EYA4: variants seen among roughly 807,000 people sequenced by gnomAD.
EYA4 encodes the protein protein phosphatase EYA4.
A neutral mutation model predicts 87.9 loss-of-function variants in EYA4; 31 were observed. The ratio of observed to expected loss-of-function variants is 0.35; its 90% CI spans 0.27 to 0.48. EYA4 has a LOEUF of 0.48. Among genes scored for constraint, EYA4 ranks in the 20% least tolerant of loss-of-function variants. The pLI is 0.99. For missense variants in EYA4, 678 were observed against 761.4 expected (o/e 0.89, Z 1.29); for synonymous variants, 263 against 270.6 (o/e 0.97, Z 0.28).
At chr6:133,330,266 A>G (rs1781820792) in intron 2 of EYA4, among the ~76,000 whole-genome samples, 2 of 152,152 alleles carry the variant, frequency 1.3e-5, no homozygotes, top group South Asian at 2.1e-4. Context: ...TTTCTAAGAT[A>G]TGTTCCACCT....
chr6:133,526,158 A>T lies in EYA4; in HGVS notation c.1839+904A>T, dbSNP rs188913686. Reference sequence around the variant, plus strand: ...ACCAGACTGTCAACTCCACCCTAAGATCTACTGCTGCCTTCACCGAATGAT... The same window carrying T: ...ACCAGACTGTCAACTCCACCCTAAGTTCTACTGCTGCCTTCACCGAATGAT... On this transcript the variant is annotated intron_variant, in intron 19 of 19. Transcript: ENST00000355286. 3.9e-5 allele frequency among the ~76,000 whole-genome samples: 6 copies of T among 152,306 alleles called. No individual in the cohort carries two copies. In the East Asian group the frequency reaches 7.7e-4, roughly 20 times the overall value.
chr6:133,269,146 C>G (rs769803389), intron 1 of EYA4, among the ~76,000 whole-genome samples: 8 of 152,158 alleles, frequency 5.3e-5, no homozygotes, highest in South Asian at 4.1e-4. Flanking sequence ...GTAGTCCCAG[C>G]TACTTGGGAG....
chr6:133,423,598 T>A (rs951815735), intron 3 of EYA4, among the ~76,000 whole-genome samples: 1 of 152,236 alleles, frequency 6.6e-6, no homozygotes, highest in Non-Finnish European at 1.5e-5. Flanking sequence ...TTATAATTTT[T>A]AAAATAAATT....
At chr6:133,369,067 C>T (rs1392722743) in intron 2 of EYA4, among the ~76,000 whole-genome samples, 1 of 152,068 alleles carries the variant, frequency 6.6e-6, no homozygotes, top group African/African-American at 2.4e-5. Context: ...AAATTAGAGA[C>T]AGGAAATGCT....
chr6:133,527,496 T>C (rs1800730963), intron 19 of EYA4, among the ~76,000 whole-genome samples: 2 of 152,230 alleles, frequency 1.3e-5, no homozygotes, highest in Admixed American at 1.3e-4. Context: ...ACAGGTAGAA[T>C]TAATTTTAAT....
intron 2 of EYA4, among the ~76,000 whole-genome samples, chr6:133,298,850 A>C (rs1779143668): frequency 6.6e-6 from 1 of 152,220 alleles, no homozygotes; most frequent in Non-Finnish European, 1.5e-5. Flanking sequence ...ATCCTGATAA[A>C]TGTGAACACC....
intron 5 of EYA4, among the ~76,000 whole-genome samples, chr6:133,448,531 A>C (rs1301799896): frequency 3.3e-5 from 5 of 152,332 alleles, no homozygotes; most frequent in African/African-American, 1.2e-4. Context: ...ATGGCCACGC[A>C]TGCAAACTTA....
chr6:133,455,119 T>C (rs1390290791), intron 5 of EYA4, among the ~76,000 whole-genome samples: 1 of 152,184 alleles, frequency 6.6e-6, no homozygotes, highest in Non-Finnish European at 1.5e-5. Context: ...CAATAAGTAT[T>C]AGTTTTATAG....
rs199835867 is a variant in EYA4 at position 133,299,953 on chromosome 6, ATC to A, written c.33+25142_33+25143del. Reference sequence around the variant, plus strand: ...TATCTATCTATCTATCTATCTATCTATCTATATATATATATATCTTTTGACTA... The same window carrying A: ...TATCTATCTATCTATCTATCTATCTATATATATATATATATCTTTTGACTA... On this transcript the variant is annotated intron_variant, in intron 2 of 19. Transcript: ENST00000355286. Among the ~76,000 whole-genome samples the A allele has an allele frequency of 6.6e-3, 712 of 108,202 alleles. 4 individuals carry two copies. Among genetic ancestry groups the A allele is most frequent in the African/African-American group, 0.02 (618 of 30,954 alleles). 71.0% of individuals were successfully genotyped at this position (108,202 alleles called of 152,430 possible). A position where few individuals can be genotyped will look rare whatever the true frequency, so the allele number is the denominator to read the frequency against.
intron 1 of EYA4, among the ~76,000 whole-genome samples, chr6:133,246,574 C>A (rs1774425779): frequency 2.0e-5 from 3 of 151,818 alleles, no homozygotes; most frequent in Admixed American, 1.3e-4. Context: ...TTTTGTATCA[C>A]CAAGGCATAT....
chr6:133,334,212 T>C (rs1782194942), intron 2 of EYA4, among the ~76,000 whole-genome samples: 1 of 152,218 alleles, frequency 6.6e-6, no homozygotes, highest in African/African-American at 2.4e-5. Flanking sequence ...ATGCATATGC[T>C]AAAAGAAAAA....
At chr6:133,307,313 G>A (rs983637674) in intron 2 of EYA4, among the ~76,000 whole-genome samples, 1 of 152,148 alleles carries the variant, frequency 6.6e-6, no homozygotes, top group Admixed American at 6.5e-5. Context: ...ATTGCATTTA[G>A]ATTTCCTTTT....
Position 133,456,634 on chromosome 6 carries a change from C to A in EYA4, c.356C>A (p.Thr119Asn). 6.2e-7 allele frequency: 1 copy of A among 1,612,086 alleles called. No individual in the cohort carries two copies. The highest frequency in any genetic ancestry group is 1.1e-5 in the South Asian group (1 of 91,052). ...TATTGDGALD[T>N]FTGSVITSSG... ...ACGACTGGAGATGGAGCGCTTGACA[C>A]TTTTACTGGGTCAGGTAAAGCCTTT... Residue 119 changes from threonine to asparagine, a missense_variant, in exon 6 of 20, where the codon ACT (threonine) becomes AAT (asparagine). Thr to Asn is a moderately conservative substitution (Grantham distance 65). Transcript: ENST00000355286.
At chr6:133,382,905 G>C (rs774484364) in intron 3 of EYA4, among the ~76,000 whole-genome samples, 167 of 152,138 alleles carry the variant, frequency 1.1e-3, no homozygotes, top group Admixed American at 3.0e-3. Flanking sequence ...ATTCTCGTTT[G>C]GGTTGTTTGG....
At chr6:133,259,797 ACT>A (rs1775645149) in intron 1 of EYA4, among the ~76,000 whole-genome samples, 3 of 152,170 alleles carry the variant, frequency 2.0e-5, no homozygotes, top group African/African-American at 7.2e-5. Flanking sequence ...AAAGAATATG[ACT>A]CACAGGTGTC....
At chr6:133,326,722 A>G (rs1582965826) in intron 2 of EYA4, among the ~76,000 whole-genome samples, 1 of 152,194 alleles carries the variant, frequency 6.6e-6, no homozygotes, top group Non-Finnish European at 1.5e-5. Context: ...ATTGTTCCCC[A>G]GAGTCCTGGA....
chr6:133,300,321 G>C (rs1252574887), intron 2 of EYA4, among the ~76,000 whole-genome samples: 2 of 151,444 alleles, frequency 1.3e-5, no homozygotes, highest in African/African-American at 2.4e-5. Flanking sequence ...GTTGTTCAAG[G>C]GTCCACTGTA....
chr6:133,323,848 C>T (rs1032217642), intron 2 of EYA4, among the ~76,000 whole-genome samples: 5 of 151,980 alleles, frequency 3.3e-5, no homozygotes, highest in Admixed American at 6.6e-5. Context: ...TTACAAGATA[C>T]GCCTCAAGGA....
chr6:133,308,026 C>T (rs1008916517), intron 2 of EYA4, among the ~76,000 whole-genome samples: 7 of 152,152 alleles, frequency 4.6e-5, no homozygotes, highest in African/African-American at 1.7e-4. Context: ...AGTTCCCCTG[C>T]ACACGTTCTC....
Sources: gnomAD v4.1 joint callset for allele counts (sites outside exome capture counted in the v4.1 genomes callset) on GRCh38, gnomAD v4.1.1 for gene constraint, MANE v1.5 for transcripts, NCBI Gene and HGNC (gene_info 2026-07-23, HGNC 2026-07-21) for gene names.